The following XRCC5 variants were observed in gnomAD, a reference collection of about 807,000 sequenced individuals.
XRCC5 encodes DNA repair protein Ku80.
XRCC5 carries 12 observed loss-of-function variants against 95.7 expected under a neutral mutation model. The observed-to-expected ratio is 0.13, with a 90% confidence interval of 0.08 to 0.20. XRCC5 has a LOEUF of 0.20. Ranked by LOEUF, XRCC5 falls within the 10% of genes least tolerant of loss-of-function variation. The pLI is 1.00. For synonymous variants in XRCC5, 281 were observed against 290.3 expected, an observed-to-expected ratio of 0.97 and a Z score of 0.33; for missense variants, 595 against 873.9, an observed-to-expected ratio of 0.68 and a Z score of 4.02.
intron 3 of XRCC5, 148 bp from the exon 4 acceptor site, chr2:216,117,598 A>C: frequency 1.5e-6 from 1 of 659,408 alleles, no homozygotes; most frequent in Non-Finnish European, 2.7e-6. Flanking sequence ...ATGTTAGTGA[A>C]CTTTGGAAGA....
intron 6 of XRCC5, among the ~76,000 whole-genome samples, chr2:216,123,062 C>T (rs1696838868): frequency 6.6e-6 from 1 of 152,232 alleles, no homozygotes; most frequent in African/African-American, 2.4e-5. Flanking sequence ...CTTTACATAG[C>T]AGTATGGCTT....
intron 16 of XRCC5, among the ~76,000 whole-genome samples, chr2:216,189,005 T>G (rs1449381479): frequency 1.3e-5 from 2 of 152,226 alleles, no homozygotes; most frequent in African/African-American, 4.8e-5. Flanking sequence ...AATTGCTGTA[T>G]TAAAAAATAC....
intron 4 of XRCC5, 144 bp from the exon 5 acceptor site, chr2:216,118,899 C>G: frequency 1.2e-6 from 1 of 857,816 alleles, no homozygotes; most frequent in Non-Finnish European, 1.8e-6. Context: ...TTAATAAGAA[C>G]TTAATTGGAC....
chr2:216,132,754 T>G (rs1344731289), intron 10 of XRCC5, among the ~76,000 whole-genome samples: 1 of 152,176 alleles, frequency 6.6e-6, no homozygotes, highest in East Asian at 1.9e-4. Context: ...TGAGGAAATG[T>G]GTCTTTTCTC....
At chr2:216,161,943 T>C in intron 15 of XRCC5, 36 bp from the exon 16 acceptor site, 1 of 1,592,070 alleles carries the variant, frequency 6.3e-7, no homozygotes, top group Non-Finnish European at 8.6e-7. Flanking sequence ...AAAAGAGAAA[T>C]AACCTGTAGG....
chr2:216,157,893 T>C (rs187581585), intron 14 of XRCC5, among the ~76,000 whole-genome samples: 4 of 152,344 alleles, frequency 2.6e-5, no homozygotes, highest in East Asian at 1.9e-4. Context: ...ATAGATAATT[T>C]AGGGAAGAGA....
At chr2:216,111,547 G>T in intron 1 of XRCC5, 1 of 273,434 alleles carries the variant, frequency 3.7e-6, no homozygotes, top group Middle Eastern at 1.4e-3. Flanking sequence ...AAAATGGTGG[G>T]GAGGAAAACT....
At chr2:216,201,144 A>T (rs1304481563) in intron 19 of XRCC5, among the ~76,000 whole-genome samples, 1 of 152,238 alleles carries the variant, frequency 6.6e-6, no homozygotes, top group Non-Finnish European at 1.5e-5. Context: ...ACAGGGTTAT[A>T]GTTGTGTTCT....
chr2:216,180,454 C>G (rs758536741), intron 16 of XRCC5, among the ~76,000 whole-genome samples: 23 of 152,168 alleles, frequency 1.5e-4, no homozygotes, highest in Non-Finnish European at 2.5e-4. Context: ...GGCAAAACCC[C>G]ATCTCTACTA....
intron 9 of XRCC5, 39 bp from the exon 10 acceptor site, chr2:216,132,286 T>G (rs376293366): frequency 5.0e-6 from 8 of 1,593,740 alleles, no homozygotes; most frequent in Non-Finnish European, 1.7e-6. Flanking sequence ...TACATGTTAC[T>G]TATTTTGGAT....
chr2:216,164,933 A>G (rs1477708379), intron 16 of XRCC5, among the ~76,000 whole-genome samples: 2 of 152,218 alleles, frequency 1.3e-5, no homozygotes, highest in African/African-American at 4.8e-5. Flanking sequence ...ATCTACTCAC[A>G]TCTTAGGAAA....
intron 12 of XRCC5, among the ~76,000 whole-genome samples, chr2:216,139,556 A>G (rs560986430): frequency 7.8e-4 from 119 of 152,280 alleles, no homozygotes; most frequent in African/African-American, 2.7e-3. Flanking sequence ...GAATTCTGGG[A>G]GATACAATTC....
chr2:216,202,765 A>C (rs982555791), intron 19 of XRCC5, among the ~76,000 whole-genome samples: 1 of 152,214 alleles, frequency 6.6e-6, no homozygotes, highest in African/African-American at 2.4e-5. Flanking sequence ...AGGGAAAAAA[A>C]GTCCAAGAGA....
chr2:216,162,210 TATGAGCAC>T (rs1688966287), intron 16 of XRCC5, among the ~76,000 whole-genome samples, 162 bp downstream of exon 16: 1 of 152,224 alleles, frequency 6.6e-6, no homozygotes, highest in African/African-American at 2.4e-5. Flanking sequence ...GAGGCAACAT[TATGAGCAC>T]ATGAAAGTGA....
Position 216,161,959 on chromosome 2 carries a change from C to T in XRCC5, c.1765-20C>T, listed in dbSNP as rs759480009. 2 of 1,611,040 alleles carry T rather than the reference C, an allele frequency of 1.2e-6. No individual in the cohort carries two copies. The highest frequency in any genetic ancestry group is 1.3e-5 in the African/African-American group (1 of 74,854). ...AAAGAGAAATAACCTGTAGGTTTAT[C>T]ATCTGTTGGTATATTTTAGGTTGGA... is the stretch of plus-strand genomic sequence containing the variant. On this transcript the variant is annotated intron_variant, in intron 15 of 20. Transcript: ENST00000392132.
chr2:216,167,964 C>T (rs983350560), intron 16 of XRCC5, among the ~76,000 whole-genome samples: 4 of 152,026 alleles, frequency 2.6e-5, no homozygotes, highest in African/African-American at 9.7e-5. Flanking sequence ...TTAAATATCT[C>T]ACTTGTTTTT....
At chr2:216,153,631 C>T (rs1688789345) in intron 14 of XRCC5, among the ~76,000 whole-genome samples, 1 of 152,152 alleles carries the variant, frequency 6.6e-6, no homozygotes, top group South Asian at 2.1e-4. Context: ...TCTGTTGACC[C>T]CCAACTTAAA....
At chr2:216,138,343 G>A (rs189039264) in intron 12 of XRCC5, among the ~76,000 whole-genome samples, 164 bp downstream of exon 12, 2 of 152,264 alleles carry the variant, frequency 1.3e-5, no homozygotes, top group East Asian at 3.9e-4. Context: ...TTTACTTGGT[G>A]TTTTTCCAGT....
At chr2:216,188,496 A>G (rs1689550856) in intron 16 of XRCC5, among the ~76,000 whole-genome samples, 1 of 152,378 alleles carries the variant, frequency 6.6e-6, no homozygotes, top group Admixed American at 6.5e-5. Context: ...TTTATATTAT[A>G]GCTTCCTAAG....
Sources: gnomAD v4.1 joint callset for allele counts (sites outside exome capture counted in the v4.1 genomes callset) on GRCh38, gnomAD v4.1.1 for gene constraint, MANE v1.5 for transcripts, NCBI Gene and HGNC (gene_info 2026-07-23, HGNC 2026-07-21) for gene names.